The following ZNF510 variants were observed in gnomAD, a reference collection of about 807,000 sequenced individuals.
ZNF510 encodes the protein zinc finger protein 510.
Under a neutral mutation model 18.1 loss-of-function variants are expected in ZNF510, and 15 were observed. The observed-to-expected ratio is 0.83, with a 90% CI of 0.55 to 1.28. The LOEUF is 1.28. Among genes scored for constraint, ZNF510 ranks in the 50% most tolerant of loss-of-function variants. The probability of loss-of-function intolerance (pLI) is 0.00; values close to 1 mark genes in which losing one functional copy is unlikely to be tolerated. For synonymous variants in ZNF510, 261 were observed against 266.4 expected (o/e 0.98, Z 0.20); for missense variants, 724 against 791.8 (o/e 0.91, Z 1.03).
Position 96,758,044 on chromosome 9 carries a change from T to C in ZNF510, c.*734A>G, listed in dbSNP as rs1849237796. 1 of 152,244 alleles carries C rather than the reference T, an allele frequency of 6.6e-6. No individual in the cohort carries two copies. Among genetic ancestry groups the C allele is most frequent in the South Asian group, 2.1e-4 (1 of 4,830 alleles). 9.4% of individuals were successfully genotyped at this position (152,244 alleles called of 1,614,324 possible). On this transcript the variant is annotated 3_prime_UTR_variant, in exon 6 of 6. Transcript: ENST00000223428. Reference sequence around the variant, plus strand: ...CAGTTTAAAATGTAGGAATTGTTTATTTCTGGATCCATTTAATAACTTTAA... The same window carrying C: ...CAGTTTAAAATGTAGGAATTGTTTACTTCTGGATCCATTTAATAACTTTAA...
rs796381387 is a variant in ZNF510, at chr9:96,762,511, AAAAAAAAAAAAAG to A, written c.352+594_352+606del. Among the ~76,000 whole-genome samples, 349 of 147,284 alleles carry A rather than the reference AAAAAAAAAAAAAG, an allele frequency of 2.4e-3. 10 individuals are homozygous for A. Among genetic ancestry groups the A allele is most frequent in the African/African-American group, 8.7e-3 (329 of 37,836 alleles). ...GTGACAGAGGGAGACTCCGTCTCAA[AAAAAAAAAAAAAG>A]AAAAGAAAAAGAAAACATCCTCCTG... On this transcript the variant is annotated intron_variant, in intron 5 of 5. Transcript: ENST00000223428.
rs1188811543 is a variant in ZNF510 at position 96,757,761 on chromosome 9, G to A, written c.*1017C>T. The A allele has an allele frequency of 6.6e-6, 1 of 151,056 alleles. No homozygotes were observed. The highest frequency in any genetic ancestry group is 1.5e-5 in the Non-Finnish European group (1 of 68,034). 9.4% of individuals were successfully genotyped at this position (151,056 alleles called of 1,614,324 possible). A position where few individuals can be genotyped will look rare whatever the true frequency, so the allele number is the denominator to read the frequency against. On this transcript the variant is annotated 3_prime_UTR_variant, in exon 6 of 6. Coordinates refer to ENST00000223428, the MANE Select transcript of ZNF510 (RefSeq NM_014930.3). ...TTGCTGTGCCTAATTTATAAATTAA[G>A]GACTAATAATGGAATAATTACAACA...
intron 3 of ZNF510, among the ~76,000 whole-genome samples, chr9:96,767,348 A>T (rs950642625): frequency 1.3e-5 from 2 of 152,024 alleles, no homozygotes; most frequent in East Asian, 3.9e-4. Context: ...AACAAAACAA[A>T]ACAAAACAAA....
intron 3 of ZNF510, among the ~76,000 whole-genome samples, chr9:96,768,961 A>G (rs1849531993): frequency 6.6e-6 from 1 of 152,216 alleles, no homozygotes; most frequent in Admixed American, 6.5e-5. Context: ...TAATCAAGAG[A>G]GTGTGGTACT....
intron 3 of ZNF510, among the ~76,000 whole-genome samples, chr9:96,768,234 T>C (rs1001343948): frequency 1.3e-5 from 2 of 152,294 alleles, no homozygotes; most frequent in South Asian, 4.1e-4. Context: ...ATAAAAAGCA[T>C]TTCTGAAAAA....
chr9:96,763,738 G>T (rs967309785), intron 3 of ZNF510, 106 bp from the exon 4 acceptor site: 10 of 1,075,746 alleles, frequency 9.3e-6, no homozygotes, highest in Non-Finnish European at 1.3e-5. Flanking sequence ...AAGCTTAAAC[G>T]AATGTAAAGG....
intron 3 of ZNF510, among the ~76,000 whole-genome samples, chr9:96,767,390 G>C (rs371217255): frequency 6.6e-6 from 1 of 151,992 alleles, no homozygotes; most frequent in African/African-American, 2.4e-5. Context: ...AAAATACATT[G>C]AGATTACTCA....
rs60479234 is a variant in ZNF510 at position 96,770,603 on chromosome 9, CAAA to C, written c.129+4182_129+4184del. ...GAGCGACAAGAGCAAAACTCTGTCT[CAAA>C]AAAAAAATATATATATATATAGAAA... On this transcript the variant is annotated intron_variant, in intron 3 of 5. Transcript: ENST00000223428. 9.3e-3 allele frequency among the ~76,000 whole-genome samples: 1,302 copies of C among 140,680 alleles called. 20 individuals carry two copies. Among genetic ancestry groups the C allele is most frequent in the African/African-American group, 0.034 (1,217 of 36,246 alleles). The allele number at this position is 140,680 out of a possible 152,430, so 92.3% of individuals were successfully genotyped here.
At position 96,754,884 on chromosome 9, in the gene ZNF510, TATTA is replaced by T. The variant is rs1849160457; in HGVS notation, c.*3890_*3893del. Reference sequence around the variant, plus strand: ...AAATTCCTGCCTTGTTTTCTATCTTTATTAGCTTGAAGGCCCTTAGTGGGTGGGC... The same window carrying T: ...AAATTCCTGCCTTGTTTTCTATCTTTGCTTGAAGGCCCTTAGTGGGTGGGC... On this transcript the variant is annotated 3_prime_UTR_variant, in exon 6 of 6. Coordinates refer to ENST00000223428, the MANE Select transcript of ZNF510 (RefSeq NM_014930.3). Among the ~76,000 whole-genome samples, 1 of 152,210 alleles carries T rather than the reference TATTA, an allele frequency of 6.6e-6. No individual in the cohort carries two copies.
intron 3 of ZNF510, among the ~76,000 whole-genome samples, chr9:96,769,862 TGA>T (rs1360191948): frequency 1.3e-5 from 2 of 152,144 alleles, no homozygotes; most frequent in Non-Finnish European, 2.9e-5. Context: ...CAAAGTTAAA[TGA>T]TACCACTTCA....
At chr9:96,774,201 C>CTT (rs959009405) in intron 3 of ZNF510, among the ~76,000 whole-genome samples, 7 of 152,208 alleles carry the variant, frequency 4.6e-5, no homozygotes, top group African/African-American at 1.7e-4. Context: ...GGACAAAATC[C>CTT]TTTTAAACTC....
rs746346866 is a variant in ZNF510 at position 96,758,838 on chromosome 9, T to A, written c.1992A>T (p.Leu664Phe). Residue 664 changes from leucine (L) to phenylalanine (F), a missense_variant, in exon 6 of 6, where the codon TTA (leucine) becomes TTT (phenylalanine). By Grantham distance (22) the Leu-to-Phe change is conservative (BLOSUM62 0). Coordinates refer to ENST00000223428, the MANE Select transcript of ZNF510 (RefSeq NM_014930.3). ...KSYECNEYGK[L>F]CKKSTLSLYQ... ...ATAAGCTTAGGGTAGACTTCTTACA[T>A]AATTTCCCATATTCATTGCATTCAT... The A allele has an allele frequency of 2.2e-5, 36 of 1,612,892 alleles. No individual in the cohort carries two copies. Among genetic ancestry groups the A allele is most frequent in the South Asian group, 2.1e-4 (19 of 90,986 alleles).
Position 96,756,978 on chromosome 9 carries a change from T to A in ZNF510, c.*1800A>T, listed in dbSNP as rs1418811980. ...ATGGGAATTAATCCCTACTACACTT[T>A]CAGATGTAAACATAACTGTAGTATA... On this transcript the variant is annotated 3_prime_UTR_variant, in exon 6 of 6. Coordinates refer to ENST00000223428, the MANE Select transcript of ZNF510 (RefSeq NM_014930.3). The A allele has an allele frequency of 6.6e-6, 1 of 152,258 alleles. No individual in the cohort carries two copies. Among genetic ancestry groups the A allele is most frequent in the African/African-American group, 2.4e-5 (1 of 41,468 alleles). The allele number at this position is 152,258 out of a possible 1,614,324, so 9.4% of individuals were successfully genotyped here. A position where few individuals can be genotyped will look rare whatever the true frequency, so the allele number is the denominator to read the frequency against.
At chr9:96,775,894 C>A in intron 2 of ZNF510, 106 bp downstream of exon 2, 1 of 1,439,234 alleles carries the variant, frequency 6.9e-7, no homozygotes, top group South Asian at 1.4e-5. Context: ...TTTCCTCAGC[C>A]CTGGCTGGTT....
chr9:96,776,336 G>A (rs763277532), intron 1 of ZNF510, 91 bp from the exon 2 acceptor site: 8 of 473,472 alleles, frequency 1.7e-5, no homozygotes, highest in Admixed American at 7.8e-5. Context: ...ATGGAAAACA[G>A]TGTTCTTCAC....
chr9:96,775,757 T>C (rs890579405), intron 2 of ZNF510, among the ~76,000 whole-genome samples: 2 of 152,212 alleles, frequency 1.3e-5, no homozygotes, highest in African/African-American at 4.8e-5. Context: ...AGGTTCAGGA[T>C]AGAGGCAACC....
Position 96,758,745 on chromosome 9 carries a change from T to A in ZNF510, c.*33A>T. The stretch of plus-strand genomic sequence containing the variant: ...GTATCTCTGATATCAAATGGGGTAT[T>A]CCTTTTGTCAAAAGGATTTTCTAGT... On this transcript the variant is annotated 3_prime_UTR_variant, in exon 6 of 6. Transcript: ENST00000223428. 1 of 1,524,990 alleles carries A rather than the reference T, an allele frequency of 6.6e-7. No homozygotes were observed. The highest frequency in any genetic ancestry group is 1.3e-5 in the South Asian group (1 of 74,188). 94.5% of individuals were successfully genotyped at this position (1,524,990 alleles called of 1,614,324 possible).
chr9:96,766,820 G>C (rs532313750), intron 3 of ZNF510, among the ~76,000 whole-genome samples: 1 of 135,846 alleles, frequency 7.4e-6, no homozygotes, highest in Non-Finnish European at 1.5e-5. Context: ...AGGAGAGAGA[G>C]AGACGAGACA....
intron 2 of ZNF510, 142 bp from the exon 3 acceptor site, chr9:96,774,988 G>A (rs1849660491): frequency 1.6e-6 from 1 of 631,188 alleles, no homozygotes; most frequent in East Asian, 2.8e-5. Flanking sequence ...CAGCACTACA[G>A]AGAAAGCACC....
Sources: allele counts gnomAD v4.1 joint callset (sites outside exome capture counted in the v4.1 genomes callset), GRCh38; gene constraint gnomAD v4.1.1; transcripts MANE v1.5; gene names NCBI Gene and HGNC (gene_info 2026-07-23, HGNC 2026-07-21).